Variants in WDFY4 observed in about 807,000 individuals in gnomAD.
WDFY4 encodes the protein WD repeat- and FYVE domain-containing protein 4.
In WDFY4, 169 loss-of-function variants were observed where a neutral mutation model predicts 351.9. That is an observed-to-expected ratio of 0.48 (90% CI 0.42 to 0.55). WDFY4 has a LOEUF of 0.55. Ranked by LOEUF, WDFY4 falls within the 20% of genes least tolerant of loss-of-function variation. The pLI, the probability that WDFY4 is intolerant of heterozygous loss-of-function variation, is 0.00. For missense variants in WDFY4, 3,803 were observed against 3,935.6 expected (o/e 0.97, Z 0.90); for synonymous variants, 1,622 against 1,574.6 (o/e 1.03, Z -0.71).
At chr10:48,833,806 C>T (rs924266114) in intron 39 of WDFY4, among the ~76,000 whole-genome samples, 2 of 152,150 alleles carry the variant, frequency 1.3e-5, no homozygotes, top group African/African-American at 2.4e-5. Context: ...CTGTGAGAAC[C>T]CAGAAAGGTT....
chr10:48,802,255 A>G (rs2067111563), intron 24 of WDFY4, among the ~76,000 whole-genome samples: 1 of 152,200 alleles, frequency 6.6e-6, no homozygotes. Context: ...GCAAACCTGT[A>G]GTTCTAACTA....
chr10:48,708,434 T>G (rs2063688468), intron 1 of WDFY4, among the ~76,000 whole-genome samples: 1 of 152,228 alleles, frequency 6.6e-6, no homozygotes, highest in Non-Finnish European at 1.5e-5. Flanking sequence ...GTCCCTCTGG[T>G]CACTACTTTG....
chr10:48,909,937 A>C (rs913383446), intron 47 of WDFY4: 4 of 381,252 alleles, frequency 1.0e-5, no homozygotes, highest in African/African-American at 6.1e-5. Context: ...TTTAAGTCTT[A>C]AAGTCTTAAA....
At chr10:48,735,735 C>CA in intron 10 of WDFY4, 145 bp from the exon 11 acceptor site, 1 of 806,170 alleles carries the variant, frequency 1.2e-6, no homozygotes, top group Non-Finnish European at 1.9e-6. Flanking sequence ...TATGGGTTAC[C>CA]AAAAAATCTA....
At chr10:48,764,261 G>A (rs778017419) in intron 13 of WDFY4, among the ~76,000 whole-genome samples, 11 of 152,234 alleles carry the variant, frequency 7.2e-5, no homozygotes, top group African/African-American at 1.2e-4. Context: ...TGGTCCTTTC[G>A]TTCCAGAGGT....
intron 42 of WDFY4, among the ~76,000 whole-genome samples, chr10:48,875,707 A>G (rs2069972025): frequency 6.6e-6 from 1 of 152,200 alleles, no homozygotes; most frequent in South Asian, 2.1e-4. Flanking sequence ...GAGCCAGCAC[A>G]CCTGGCCAAT....
intron 1 of WDFY4, among the ~76,000 whole-genome samples, chr10:48,694,512 C>A (rs564808806): frequency 1.3e-5 from 2 of 152,224 alleles, no homozygotes; most frequent in Non-Finnish European, 2.9e-5. Flanking sequence ...TACCCGTCTC[C>A]TCTCCCAGGA....
chr10:48,909,125 G>A (rs190815978), intron 47 of WDFY4, among the ~76,000 whole-genome samples: 8 of 152,218 alleles, frequency 5.3e-5, no homozygotes, highest in Admixed American at 6.5e-5. Context: ...TCGCTGAGTA[G>A]TATTCCATGA....
chr10:48,721,689 T>G (rs1184370177), intron 4 of WDFY4, among the ~76,000 whole-genome samples: 2 of 152,178 alleles, frequency 1.3e-5, no homozygotes, highest in African/African-American at 4.8e-5. Context: ...CTGATGTTTA[T>G]TGACTACTTC....
chr10:48,838,728 T>A (rs1202312521), intron 39 of WDFY4, among the ~76,000 whole-genome samples: 2 of 152,250 alleles, frequency 1.3e-5, no homozygotes, highest in Non-Finnish European at 2.9e-5. Flanking sequence ...ACTGAATAAT[T>A]CTGAAGCAAC....
intron 1 of WDFY4, among the ~76,000 whole-genome samples, chr10:48,687,530 G>A (rs1369241176): frequency 2.0e-5 from 3 of 152,038 alleles, no homozygotes; most frequent in East Asian, 1.9e-4. Context: ...TATGGCGTGA[G>A]GTGGGAAGAA....
intron 20 of WDFY4, among the ~76,000 whole-genome samples, chr10:48,787,338 T>C (rs17011201): frequency 0.044 from 6,754 of 152,340 alleles, 517 homozygotes; most frequent in African/African-American, 0.15. Flanking sequence ...AATGAATCTA[T>C]GTCAGCAGCC....
intron 19 of WDFY4, among the ~76,000 whole-genome samples, chr10:48,784,841 C>T (rs1457517655): frequency 1.0e-4 from 13 of 125,400 alleles, no homozygotes; most frequent in African/African-American, 4.2e-4. Context: ...CACCCAGTTG[C>T]ATCGTTTACT....
In WDFY4 at chr10:48,810,698, G is replaced by A; in HGVS notation, c.5007G>A (p.Trp1669Ter). ...GAGATGGCCTGTGTGCAGGATCCTG[G>A]GTGGAACGCAGCACTGAGGGCGTGG... is the stretch of plus-strand genomic sequence containing the variant. ...RFRDGLCAGS[W>*]VERSTEGVDI... Residue 1669 changes from tryptophan to a stop codon, truncating the protein, a stop_gained, in exon 29 of 62, where the codon TGG (tryptophan) becomes TGA (stop). Coordinates refer to ENST00000325239, the MANE Select transcript of WDFY4 (RefSeq NM_001394531.1). LOFTEE classifies it high-confidence loss of function. 1 of 1,549,396 alleles carries A rather than the reference G, an allele frequency of 6.5e-7. No homozygotes were observed. Among genetic ancestry groups the A allele is most frequent in the Non-Finnish European group, 8.7e-7 (1 of 1,146,158 alleles).
chr10:48,734,523 C>CATATATATATATATATAT (rs10653287), intron 10 of WDFY4, among the ~76,000 whole-genome samples: 60 of 144,966 alleles, frequency 4.1e-4, no homozygotes, highest in Admixed American at 1.4e-3. Context: ...ATAATATGTG[C>CATATATATATATATATAT]ATATATATAT....
chr10:48,901,200 T>A (rs1837333968), intron 46 of WDFY4, among the ~76,000 whole-genome samples: 1 of 152,266 alleles, frequency 6.6e-6, no homozygotes, highest in Non-Finnish European at 1.5e-5. Context: ...CAGGTGAGCC[T>A]GCTCATGCGG....
intron 39 of WDFY4, among the ~76,000 whole-genome samples, chr10:48,856,788 G>A (rs1023549866): frequency 1.3e-5 from 2 of 152,138 alleles, no homozygotes; most frequent in African/African-American, 4.8e-5. Context: ...TTGGTTCCCT[G>A]AGTTATGGAG....
intron 23 of WDFY4, among the ~76,000 whole-genome samples, chr10:48,794,185 A>G (rs539233605): frequency 6.6e-6 from 1 of 152,270 alleles, no homozygotes; most frequent in African/African-American, 2.4e-5. Flanking sequence ...AAACGGACTG[A>G]CAGAGGTGTT....
At chr10:48,962,887 G>A (rs1435599692) in intron 53 of WDFY4, among the ~76,000 whole-genome samples, 1 of 152,188 alleles carries the variant, frequency 6.6e-6, no homozygotes, top group Non-Finnish European at 1.5e-5. Flanking sequence ...CCTGCTGCAT[G>A]CCCCCAGCTA....
Sources: allele counts gnomAD v4.1 joint callset (sites outside exome capture counted in the v4.1 genomes callset), GRCh38; gene constraint gnomAD v4.1.1; transcripts MANE v1.5; gene names NCBI Gene and HGNC (gene_info 2026-07-23, HGNC 2026-07-21).